Variants in ACMSD observed in about 807,000 individuals in gnomAD.
ACMSD encodes aminocarboxymuconate semialdehyde decarboxylase.
In ACMSD, 37 loss-of-function variants were observed where a neutral mutation model predicts 45.9. That is an observed-to-expected ratio of 0.81 (90% CI 0.62 to 1.06). The LOEUF is 1.06. ACMSD is among the 50% of genes least tolerant of loss of function. The pLI, the probability that ACMSD is intolerant of heterozygous loss-of-function variation, is 0.00. For missense variants in ACMSD, 434 were observed against 420.9 expected (o/e 1.03, Z -0.27); for synonymous variants, 138 against 148.8 (o/e 0.93, Z 0.53).
At chr2:134,865,693 T>C (rs1306284420) in intron 5 of ACMSD, among the ~76,000 whole-genome samples, 3 of 152,206 alleles carry the variant, frequency 2.0e-5, no homozygotes, top group Non-Finnish European at 4.4e-5. Context: ...GGCTTTGTCA[T>C]CTCAAGGTGA....
intron 8 of ACMSD, among the ~76,000 whole-genome samples, chr2:134,892,742 T>G (rs1374254617): frequency 6.6e-6 from 1 of 152,022 alleles, no homozygotes; most frequent in Non-Finnish European, 1.5e-5. Context: ...GCAGCAGATA[T>G]CCAGAATGAA....
intron 8 of ACMSD, among the ~76,000 whole-genome samples, chr2:134,888,377 T>C (rs1220843890): frequency 6.6e-6 from 1 of 152,190 alleles, no homozygotes; most frequent in Non-Finnish European, 1.5e-5. Flanking sequence ...AACTCAACTA[T>C]GAGCAAGGAT....
chr2:134,869,541 A>G (rs1472297824), intron 6 of ACMSD, among the ~76,000 whole-genome samples: 2 of 152,064 alleles, frequency 1.3e-5, no homozygotes, highest in Non-Finnish European at 2.9e-5. Context: ...GCAACAGGAG[A>G]GCATCTGCAT....
chr2:134,863,723 C>A, intron 5 of ACMSD, 92 bp downstream of exon 5: 1 of 1,313,196 alleles, frequency 7.6e-7, no homozygotes, highest in Non-Finnish European at 1.1e-6. Context: ...TGAAGCGTCA[C>A]CCCACTGGGA....
At chr2:134,852,445 T>C (rs1289707139) in intron 2 of ACMSD, among the ~76,000 whole-genome samples, 1 of 152,128 alleles carries the variant, frequency 6.6e-6, no homozygotes, top group Non-Finnish European at 1.5e-5. Context: ...TCGTAGGCAA[T>C]ATTCTGGATA....
chr2:134,860,212 G>A (rs143701676), intron 3 of ACMSD, among the ~76,000 whole-genome samples: 5,275 of 152,236 alleles, frequency 0.035, 134 homozygotes, highest in Non-Finnish European at 0.052. Context: ...GCAGTGAGCC[G>A]ACATTGCACC....
intron 8 of ACMSD, among the ~76,000 whole-genome samples, chr2:134,881,831 T>C (rs1689055715): frequency 6.6e-6 from 1 of 151,464 alleles, no homozygotes; most frequent in Non-Finnish European, 1.5e-5. Flanking sequence ...CTACTAAAAA[T>C]ACAAAAAAAA....
intron 5 of ACMSD, among the ~76,000 whole-genome samples, chr2:134,866,975 T>C (rs1437272436): frequency 6.6e-6 from 1 of 152,210 alleles, no homozygotes; most frequent in Non-Finnish European, 1.5e-5. Flanking sequence ...TGAATGCCTG[T>C]AGACCCCAGG....
chr2:134,898,342 AT>A lies in ACMSD; in HGVS notation c.852del (p.Asp284GlufsTer13). ...AGAAATATATATTTTGTTTTTTAGGATAAAGTCATTTTGGGAACCGATTACC... is the reference window on the plus strand; with the variant it reads ...AGAAATATATATTTTGTTTTTTAGGAAAAGTCATTTTGGGAACCGATTACC... ...LKLLTDVIGK[D>X]KVILGTDYPF... On this transcript the variant is annotated frameshift_variant and splice_region_variant, in exon 9 of 10. Transcript: ENST00000356140. LOFTEE classifies it high-confidence loss of function. 6.3e-7 allele frequency: 1 copy of A among 1,581,708 alleles called. No homozygotes were observed. The highest frequency in any genetic ancestry group is 2.3e-5 in the East Asian group (1 of 43,846).
chr2:134,898,481 C>G, intron 9 of ACMSD, 42 bp downstream of exon 9: 1 of 1,436,670 alleles, frequency 7.0e-7, no homozygotes, highest in South Asian at 1.4e-5. Context: ...CTGACTTTTC[C>G]TGCTCTAATT....
At chr2:134,869,893 T>C (rs926380335) in intron 6 of ACMSD, among the ~76,000 whole-genome samples, 5 of 152,162 alleles carry the variant, frequency 3.3e-5, no homozygotes, top group African/African-American at 9.7e-5. Context: ...CAAGTAATTA[T>C]GGGAAAGTAG....
chr2:134,885,421 AAATATATAT>A (rs1315971871), intron 8 of ACMSD, among the ~76,000 whole-genome samples: 3 of 122,956 alleles, frequency 2.4e-5, no homozygotes, highest in Non-Finnish European at 4.8e-5. Flanking sequence ...ATATATATGT[AAATATATAT>A]AATATATAAA....
At chr2:134,884,915 G>A (rs1252666342) in intron 8 of ACMSD, among the ~76,000 whole-genome samples, 3 of 151,928 alleles carry the variant, frequency 2.0e-5, no homozygotes, top group Non-Finnish European at 4.4e-5. Flanking sequence ...TCAGGCCTAG[G>A]CCAGGCACAG....
chr2:134,869,039 T>C (rs1688282512), intron 6 of ACMSD: 1 of 151,612 alleles, frequency 6.6e-6, no homozygotes. Context: ...ATTCCTGTGA[T>C]TGCTGTTGGA....
rs1213340604 is a variant in ACMSD at position 134,862,019 on chromosome 2, G to C, written c.249+1G>C. 6.2e-7 allele frequency: 1 copy of C among 1,614,014 alleles called. No homozygotes were observed. The highest frequency in any genetic ancestry group is 8.5e-7 in the Non-Finnish European group (1 of 1,180,020). ...AGTTCCTGTCATGTTTAGCTACTGG[G>C]TGAGTGTGAAACCTCAAGCCATCTC... On this transcript the variant is annotated splice_donor_variant, in intron 4 of 9. Transcript: ENST00000356140. LOFTEE classifies it high-confidence loss of function.
intron 2 of ACMSD, among the ~76,000 whole-genome samples, chr2:134,847,159 C>T (rs1344815962): frequency 6.6e-6 from 1 of 152,102 alleles, no homozygotes; most frequent in Non-Finnish European, 1.5e-5. Context: ...CAAAACAATG[C>T]AAATTCTTCG....
At position 134,868,358 on chromosome 2, in the gene ACMSD, T is replaced by C. The variant is rs79753394; in HGVS notation, c.580+686T>C. Among the ~76,000 whole-genome samples, 275 of 152,162 alleles carry C rather than the reference T, an allele frequency of 1.8e-3. 1 individual carries two copies. The highest frequency in any genetic ancestry group is 0.014 in the South Asian group (66 of 4,820). Reference sequence around the variant, plus strand: ...GTGGTAAGAAGAGATAGAGAACAGATGTAAAATTCTGGAGCTATAGGTGAA... The same window carrying C: ...GTGGTAAGAAGAGATAGAGAACAGACGTAAAATTCTGGAGCTATAGGTGAA... On this transcript the variant is annotated intron_variant, in intron 6 of 9. Coordinates refer to ENST00000356140, the MANE Select transcript of ACMSD (RefSeq NM_138326.3).
chr2:134,845,439 G>A (rs1046417381), intron 2 of ACMSD, among the ~76,000 whole-genome samples, 162 bp downstream of exon 2: 66 of 151,480 alleles, frequency 4.4e-4, no homozygotes, highest in Non-Finnish European at 6.2e-4. Flanking sequence ...GAATAATTGG[G>A]AAAAATGGAG....
At chr2:134,864,066 C>T (rs1221102673) in intron 5 of ACMSD, among the ~76,000 whole-genome samples, 2 of 152,102 alleles carry the variant, frequency 1.3e-5, no homozygotes, top group South Asian at 2.1e-4. Context: ...GCCAGAAGTT[C>T]GAGGCCAGCC....
Sources: gnomAD v4.1 joint callset for allele counts (sites outside exome capture counted in the v4.1 genomes callset) on GRCh38, gnomAD v4.1.1 for gene constraint, MANE v1.5 for transcripts, NCBI Gene and HGNC (gene_info 2026-07-23, HGNC 2026-07-21) for gene names.